Variants in DHRS3 observed in about 807,000 individuals in gnomAD.
DHRS3 encodes short-chain dehydrogenase/reductase 3.
In DHRS3, 14 loss-of-function variants were observed where a neutral mutation model predicts 27.2. The observed-to-expected ratio is 0.52, with a 90% CI of 0.34 to 0.81. DHRS3 has a LOEUF of 0.81. Among genes scored for constraint, DHRS3 ranks in the 30% least tolerant of loss-of-function variants. The pLI is 0.01. For synonymous variants in DHRS3, 165 were observed against 175.9 expected (o/e 0.94, Z 0.49); for missense variants, 322 against 406.2 (o/e 0.79, Z 1.78).
chr1:12,579,471 A>T, intron 2 of DHRS3, 59 bp from the exon 3 acceptor site: 1 of 1,583,504 alleles, frequency 6.3e-7, no homozygotes, highest in East Asian at 2.3e-5. Flanking sequence ...CCAACGATAT[A>T]TGTTTTTTGT....
chr1:12,600,417 A>G, intron 1 of DHRS3: 8 of 985,106 alleles, frequency 8.1e-6, no homozygotes, highest in Non-Finnish European at 8.4e-6. Context: ...CTCATAGGGA[A>G]GTGGCCCGGA....
intron 1 of DHRS3, among the ~76,000 whole-genome samples, chr1:12,588,216 T>C (rs1280559379): frequency 6.6e-6 from 1 of 152,086 alleles, no homozygotes; most frequent in East Asian, 1.9e-4. Flanking sequence ...TTCTGAAGCC[T>C]CCCTGGCTGC....
At chr1:12,614,877 C>T (rs1646934341) in intron 1 of DHRS3, among the ~76,000 whole-genome samples, 1 of 152,166 alleles carries the variant, frequency 6.6e-6, no homozygotes, top group Non-Finnish European at 1.5e-5. Context: ...TGGTTCCACA[C>T]AGCCGCCCCC....
rs1010252563 is a variant in DHRS3, at chr1:12,594,803, A to G, written c.196-14137T>C. 6.6e-6 allele frequency among the ~76,000 whole-genome samples: 1 copy of G among 152,076 alleles called. No individual in the cohort carries two copies. Among genetic ancestry groups the G allele is most frequent in the Non-Finnish European group, 1.5e-5 (1 of 68,022 alleles). On this transcript the variant is annotated intron_variant, in intron 1 of 5. Transcript: ENST00000616661. The surrounding 1 kb of genome is among the most constrained non-coding windows in gnomAD (Gnocchi z 4.1). Reference sequence around the variant, plus strand: ...GAGATGGGGTAGATTGGGAGGTTGTAAGGAGAAAAAAGACAGCCTCTGACA... The same window carrying G: ...GAGATGGGGTAGATTGGGAGGTTGTGAGGAGAAAAAAGACAGCCTCTGACA...
At chr1:12,590,642 TA>T (rs879448990) in intron 1 of DHRS3, among the ~76,000 whole-genome samples, 243 of 145,090 alleles carry the variant, frequency 1.7e-3, no homozygotes, top group Admixed American at 1.5e-3. Flanking sequence ...ACTCTGTCGC[TA>T]AAAAAAAAAA....
Position 12,592,003 on chromosome 1 carries a change from G to A in DHRS3, c.196-11337C>T, listed in dbSNP as rs1646750833. Among the ~76,000 whole-genome samples, 1 of 152,198 alleles carries A rather than the reference G, an allele frequency of 6.6e-6. No individual in the cohort carries two copies. Among genetic ancestry groups the A allele is most frequent in the African/African-American group, 2.4e-5 (1 of 41,450 alleles). Reference sequence around the variant, plus strand: ...TGGGGCTCTGATGGGGCTCAGGTGGGAGGACAGGTGAGGACAGAAGCTGTT... The same window carrying A: ...TGGGGCTCTGATGGGGCTCAGGTGGAAGGACAGGTGAGGACAGAAGCTGTT... On this transcript the variant is annotated intron_variant, in intron 1 of 5. Transcript: ENST00000616661. This position sits in a 1 kb window ranked among gnomAD's most constrained non-coding sequence, Gnocchi z 4.2.
At chr1:12,582,720 A>G (rs77387822) in intron 1 of DHRS3, among the ~76,000 whole-genome samples, 2,808 of 151,954 alleles carry the variant, frequency 0.018, 34 homozygotes, top group Middle Eastern at 0.048. Flanking sequence ...TTCCTCCCTT[A>G]TCATCCTGTG....
rs1198978455 is a variant in DHRS3 at position 12,601,150 on chromosome 1, C to T, written c.195+16004G>A. Reference sequence around the variant, plus strand: ...CCTTCCACAAGAAGGTGTACTGGACCCCTTGCTCCTGCTCATTGTATCCCC... The same window carrying T: ...CCTTCCACAAGAAGGTGTACTGGACTCCTTGCTCCTGCTCATTGTATCCCC... On this transcript the variant is annotated intron_variant, in intron 1 of 5. Transcript: ENST00000616661. Among the ~76,000 whole-genome samples the T allele has an allele frequency of 2.6e-5, 4 of 152,080 alleles. No homozygotes were observed. In the East Asian group the frequency reaches 5.8e-4, roughly 22 times the overall value.
chr1:12,573,325 A>T (rs1399323515), intron 4 of DHRS3, among the ~76,000 whole-genome samples: 1 of 152,206 alleles, frequency 6.6e-6, no homozygotes, highest in Non-Finnish European at 1.5e-5. Flanking sequence ...ATTTCAGGCC[A>T]GTCCATCCAA....
At chr1:12,569,754 C>T (rs1646519376) in intron 5 of DHRS3, among the ~76,000 whole-genome samples, 1 of 152,162 alleles carries the variant, frequency 6.6e-6, no homozygotes, top group South Asian at 2.1e-4. Flanking sequence ...TTAGTAGAGA[C>T]AGGGTTTCGC....
chr1:12,588,885 G>A (rs1238666851), intron 1 of DHRS3, among the ~76,000 whole-genome samples: 4 of 152,352 alleles, frequency 2.6e-5, no homozygotes, highest in African/African-American at 9.6e-5. Flanking sequence ...CAGGTCTTTG[G>A]CAGGCCAGCT....
At chr1:12,601,852 G>A (rs115809579) in intron 1 of DHRS3, among the ~76,000 whole-genome samples, 1,977 of 152,316 alleles carry the variant, frequency 0.013, 45 homozygotes, top group African/African-American at 0.045. Context: ...AGGTTACTTC[G>A]AGTAGTAAAT....
intron 1 of DHRS3, among the ~76,000 whole-genome samples, chr1:12,584,779 G>A (rs573171903): frequency 1.1e-4 from 16 of 152,322 alleles, no homozygotes; most frequent in South Asian, 4.1e-4. Flanking sequence ...GGTCTCAGAC[G>A]GAGGTGAGGC....
chr1:12,568,298 C>G lies in DHRS3; in HGVS notation c.*42G>C. On this transcript the variant is annotated 3_prime_UTR_variant, in exon 6 of 6. Transcript: ENST00000616661. ...CGGGTGTGTGCCCAGGTGCTGTGGC[C>G]CCCAAACTCCGTGGCTCCTCAAGCA... The G allele has an allele frequency of 6.3e-7, 1 of 1,583,918 alleles. No homozygotes were observed. Among genetic ancestry groups the G allele is most frequent in the Non-Finnish European group, 8.7e-7 (1 of 1,153,364 alleles).
intron 1 of DHRS3, among the ~76,000 whole-genome samples, chr1:12,613,212 GTC>G (rs1283402713): frequency 6.6e-6 from 1 of 152,162 alleles, no homozygotes; most frequent in Non-Finnish European, 1.5e-5. Context: ...TCTTCCCGTA[GTC>G]TTTTGAGTGG....
At chr1:12,606,781 C>T (rs1438923071) in intron 1 of DHRS3, among the ~76,000 whole-genome samples, 2 of 152,132 alleles carry the variant, frequency 1.3e-5, no homozygotes, top group African/African-American at 4.8e-5. Context: ...AGGTGTGAGC[C>T]ACCGTGCCCA....
rs1005573078 is a variant in DHRS3 at position 12,571,485 on chromosome 1, C to A, written c.824+1243G>T. The stretch of plus-strand genomic sequence containing the variant: ...GGTTCTCAAAGTGAGGTCCAGGAAC[C>A]TTTGGGGTACCCGGGATCTCTTCAG... On this transcript the variant is annotated intron_variant, in intron 5 of 5. Coordinates refer to ENST00000616661, the MANE Select transcript of DHRS3 (RefSeq NM_004753.7). 2.6e-5 allele frequency among the ~76,000 whole-genome samples: 4 copies of A among 151,216 alleles called. No homozygotes were observed. In the East Asian group the frequency reaches 7.8e-4, roughly 29 times the overall value.
Position 12,586,077 on chromosome 1 carries a change from G to C in DHRS3, c.196-5411C>G, listed in dbSNP as rs974378658. On this transcript the variant is annotated intron_variant, in intron 1 of 5. Transcript: ENST00000616661. This position sits in a 1 kb window ranked among gnomAD's most constrained non-coding sequence, Gnocchi z 5.0. ...CCTTCTCTCTCCCAGTGACTGGTAG[G>C]GGGAGGCAGGAAGGGGAGAAAGACC... 6.6e-6 allele frequency among the ~76,000 whole-genome samples: 1 copy of C among 152,052 alleles called. No homozygotes were observed. The highest frequency in any genetic ancestry group is 6.6e-5 in the Admixed American group (1 of 15,262).
At chr1:12,585,402 TGTGTGA>T (rs1251237266) in intron 1 of DHRS3, among the ~76,000 whole-genome samples, 2 of 152,136 alleles carry the variant, frequency 1.3e-5, no homozygotes, top group East Asian at 1.9e-4. Context: ...TGACTGTGTG[TGTGTGA>T]GTGAGTGTGT....
Sources: gnomAD v4.1 joint callset for allele counts (sites outside exome capture counted in the v4.1 genomes callset) on GRCh38, gnomAD v4.1.1 for gene constraint, Gnocchi (gnomAD v3.1) non-coding constraint, MANE v1.5 for transcripts, NCBI Gene and HGNC (gene_info 2026-07-23, HGNC 2026-07-21) for gene names.